The following FOXP1 variants were observed in gnomAD, a reference collection of about 807,000 sequenced individuals.
FOXP1 encodes the protein forkhead box protein P1.
Under a neutral mutation model 98.2 loss-of-function variants are expected in FOXP1, and 15 were observed. The ratio of observed to expected loss-of-function variants is 0.15; its 90% confidence interval spans 0.10 to 0.24. The LOEUF is 0.24. Among genes scored for constraint, FOXP1 ranks in the 10% least tolerant of loss-of-function variants. FOXP1 has a pLI of 1.00. For missense variants in FOXP1, 633 were observed against 848.5 expected, an observed-to-expected ratio of 0.75 and a Z score of 3.15; for synonymous variants, 371 against 314.5, an observed-to-expected ratio of 1.18 and a Z score of -1.90.
intron 5 of FOXP1, among the ~76,000 whole-genome samples, chr3:71,231,637 G>T (rs1361292262): frequency 6.6e-6 from 1 of 152,148 alleles, no homozygotes; most frequent in Non-Finnish European, 1.5e-5. Context: ...TGTTTATCAG[G>T]CAACATTTTT....
At chr3:71,205,997 A>G (rs1183272995) in intron 5 of FOXP1, among the ~76,000 whole-genome samples, 1 of 152,354 alleles carries the variant, frequency 6.6e-6, no homozygotes, top group Non-Finnish European at 1.5e-5. Flanking sequence ...TATCAATTAA[A>G]TGGAAGAAGC....
intron 13 of FOXP1, among the ~76,000 whole-genome samples, chr3:70,992,160 G>A (rs2040701609): frequency 6.6e-6 from 1 of 152,170 alleles, no homozygotes; most frequent in Non-Finnish European, 1.5e-5. Context: ...GTGAGGCTTG[G>A]AAGTAGGTAT....
intron 6 of FOXP1, among the ~76,000 whole-genome samples, chr3:71,130,203 G>A (rs188946153): frequency 3.7e-4 from 56 of 152,240 alleles, no homozygotes; most frequent in Non-Finnish European, 7.1e-4. Context: ...TCCAATCTAC[G>A]TTTAGCCTAT....
chr3:71,570,984 G>A (rs978208126), intron 2 of FOXP1: 1 of 152,098 alleles, frequency 6.6e-6, no homozygotes, highest in African/African-American at 2.4e-5. Context: ...AAATAACATC[G>A]ATCTGATTTC....
chr3:71,221,092 G>A (rs916317336), intron 5 of FOXP1, among the ~76,000 whole-genome samples: 5 of 152,226 alleles, frequency 3.3e-5, no homozygotes, highest in South Asian at 2.1e-4. Context: ...GTTAGGAACC[G>A]GTCGGTAAAG....
intron 2 of FOXP1, among the ~76,000 whole-genome samples, chr3:71,574,991 A>T (rs1009839579): frequency 3.3e-5 from 5 of 152,192 alleles, no homozygotes; most frequent in Admixed American, 2.6e-4. Flanking sequence ...GAAGGGTTGC[A>T]GGCTTTCCTC....
intron 13 of FOXP1, among the ~76,000 whole-genome samples, chr3:70,996,519 T>C (rs949018635): frequency 1.3e-5 from 2 of 152,226 alleles, no homozygotes; most frequent in Admixed American, 6.5e-5. Context: ...AGTAGTTATT[T>C]TGGAAAAATT....
At chr3:71,102,493 C>G (rs1238090110) in intron 7 of FOXP1, among the ~76,000 whole-genome samples, 1 of 152,226 alleles carries the variant, frequency 6.6e-6, no homozygotes, top group Non-Finnish European at 1.5e-5. Flanking sequence ...CATCGGTACA[C>G]AAATTTCCCA....
In FOXP1 at chr3:71,026,600, C is replaced by T. The variant is rs533425085; in HGVS notation, c.870-10947G>A. 2.2e-4 allele frequency among the ~76,000 whole-genome samples: 33 copies of T among 152,286 alleles called. No homozygotes were observed. In the East Asian group the frequency reaches 2.3e-3, roughly 11 times the overall value. Reference sequence around the variant, plus strand: ...GATTTAAGGGCATCTCATTTGTAAGCTATCTATGTGACCAGCAACTGGCTG... The same window carrying T: ...GATTTAAGGGCATCTCATTTGTAAGTTATCTATGTGACCAGCAACTGGCTG... On this transcript the variant is annotated intron_variant, in intron 11 of 20. Transcript: ENST00000649528.
chr3:71,376,663 T>G (rs192483654), intron 3 of FOXP1, among the ~76,000 whole-genome samples: 33 of 152,324 alleles, frequency 2.2e-4, no homozygotes, highest in Admixed American at 4.6e-4. Flanking sequence ...AACAACACCA[T>G]CAGCTTCAAT....
At chr3:71,380,275 T>C (rs2080041268) in intron 3 of FOXP1, among the ~76,000 whole-genome samples, 1 of 152,164 alleles carries the variant, frequency 6.6e-6, no homozygotes. Flanking sequence ...GGTTGGCCAG[T>C]CTCACCATGG....
intron 13 of FOXP1, among the ~76,000 whole-genome samples, chr3:70,994,411 T>C (rs1359316255): frequency 1.3e-5 from 2 of 152,152 alleles, no homozygotes; most frequent in Non-Finnish European, 1.5e-5. Context: ...TTAAGAGCAA[T>C]ATATCCTTCC....
chr3:71,436,615 C>G (rs1431807640), intron 3 of FOXP1, among the ~76,000 whole-genome samples: 1 of 152,052 alleles, frequency 6.6e-6, no homozygotes, highest in Admixed American at 6.6e-5. Flanking sequence ...CTCACATAGG[C>G]CCTTATAATA....
chr3:71,152,792 G>A (rs1298567030), intron 6 of FOXP1, among the ~76,000 whole-genome samples: 1 of 152,198 alleles, frequency 6.6e-6, no homozygotes, highest in Non-Finnish European at 1.5e-5. Context: ...ACAACTCACA[G>A]TGATAGAAGT....
rs7641661 is a variant in FOXP1, at chr3:71,030,454, C to A, written c.869+10874G>T. Among the ~76,000 whole-genome samples the A allele has an allele frequency of 5.3e-3, 802 of 152,348 alleles. 9 individuals are homozygous for A. Among genetic ancestry groups the A allele is most frequent in the African/African-American group, 0.019 (775 of 41,588 alleles). ...ACCTCAGCCCCACAAATAATACTTA[C>A]TCCCTTTCCTACTTTTTCTGTTTCC... On this transcript the variant is annotated intron_variant, in intron 11 of 20. Coordinates refer to ENST00000649528, the MANE Select transcript of FOXP1 (RefSeq NM_001349338.3).
Position 70,959,100 on chromosome 3 carries a change from G to C in FOXP1, c.*147C>G, listed in dbSNP as rs897993390. 2 of 908,286 alleles carry C rather than the reference G, an allele frequency of 2.2e-6. No individual in the cohort carries two copies. Among genetic ancestry groups the C allele is most frequent in the Non-Finnish European group, 3.4e-6 (2 of 580,166 alleles). 56.3% of individuals were successfully genotyped at this position (908,286 alleles called of 1,614,324 possible). A position where few individuals can be genotyped will look rare whatever the true frequency, so the allele number is the denominator to read the frequency against. On this transcript the variant is annotated 3_prime_UTR_variant, in exon 21 of 21. Coordinates refer to ENST00000649528, the MANE Select transcript of FOXP1 (RefSeq NM_001349338.3). ...AATGGGGTTCTTGATGGCACTAAGA[G>C]TTAACACATTTCAGAGTTGTCAAAA...
chr3:71,279,474 A>T (rs898147542), intron 5 of FOXP1, among the ~76,000 whole-genome samples: 1 of 152,072 alleles, frequency 6.6e-6, no homozygotes, highest in East Asian at 1.9e-4. Flanking sequence ...GCAGGTACAG[A>T]CCAGGGACGC....
intron 11 of FOXP1, among the ~76,000 whole-genome samples, chr3:71,022,105 T>C (rs1379774603): frequency 6.6e-6 from 1 of 152,196 alleles, no homozygotes; most frequent in Admixed American, 6.5e-5. Context: ...CATTTAAGCC[T>C]ATGGTCTGTT....
intron 6 of FOXP1, among the ~76,000 whole-genome samples, chr3:71,178,070 G>T (rs1480495455): frequency 6.6e-6 from 1 of 150,868 alleles, no homozygotes; most frequent in Non-Finnish European, 1.5e-5. Flanking sequence ...CTGGGTTCAA[G>T]AAATCATCCT....
Sources: allele counts gnomAD v4.1 joint callset (sites outside exome capture counted in the v4.1 genomes callset), GRCh38; gene constraint gnomAD v4.1.1; transcripts MANE v1.5; gene names NCBI Gene and HGNC (gene_info 2026-07-23, HGNC 2026-07-21).